Variants in TMEM178B observed in about 807,000 individuals in gnomAD.
TMEM178B encodes the protein transmembrane protein 178B.
A neutral mutation model predicts 31.0 loss-of-function variants in TMEM178B; 5 were observed. That is an observed-to-expected ratio of 0.16 (90% CI 0.08 to 0.34). The LOEUF (loss-of-function observed/expected upper bound fraction) is 0.34, where lower values mean the gene tolerates loss of function less well. Ranked by LOEUF, TMEM178B falls within the 10% of genes least tolerant of loss-of-function variation. TMEM178B has a pLI of 1.00. For missense variants in TMEM178B, 275 were observed against 400.3 expected, an observed-to-expected ratio of 0.69 and a Z score of 2.67; for synonymous variants, 164 against 164.0, an observed-to-expected ratio of 1.00 and a Z score of 0.00.
chr7:141,107,218 G>A (rs941929405), intron 1 of TMEM178B, among the ~76,000 whole-genome samples: 7 of 152,178 alleles, frequency 4.6e-5, no homozygotes, highest in African/African-American at 1.7e-4. Flanking sequence ...GAGGGATAGA[G>A]CAGTAGAAGA....
intron 1 of TMEM178B, among the ~76,000 whole-genome samples, chr7:141,121,320 A>G (rs1393317258): frequency 6.6e-6 from 1 of 152,190 alleles, no homozygotes; most frequent in Non-Finnish European, 1.5e-5. Context: ...AGAGTGTAGT[A>G]GATCTGTGAA....
rs1474271669 is a variant in TMEM178B, at chr7:141,477,520, ATAAAAG to A, written c.*6739_*6744del. On this transcript the variant is annotated 3_prime_UTR_variant, in exon 4 of 4. Transcript: ENST00000565468. ...TAAAGTAGAATGCACTTCCCCCAAAATAAAAGTAAATCAGCAATGTTTGAAGGGTCA... is the reference window on the plus strand; with the variant it reads ...TAAAGTAGAATGCACTTCCCCCAAAATAAATCAGCAATGTTTGAAGGGTCA... The A allele has an allele frequency of 5.3e-5, 8 of 152,126 alleles. No individual in the cohort carries two copies. The highest frequency in any genetic ancestry group is 2.1e-4 in the South Asian group (1 of 4,810). The allele number at this position is 152,126 out of a possible 1,614,324, so 9.4% of individuals were successfully genotyped here.
At position 141,245,814 on chromosome 7, in the gene TMEM178B, G is replaced by A. The variant is rs576398399; in HGVS notation, c.496+33110G>A. On this transcript the variant is annotated intron_variant, in intron 2 of 3. Coordinates refer to ENST00000565468, the MANE Select transcript of TMEM178B (RefSeq NM_001195278.2). Reference sequence around the variant, plus strand: ...CCTTTTCCAAATCCATATTCTTTTCGTTGTGTAAGTTTGTCCAGTGAATTT... The same window carrying A: ...CCTTTTCCAAATCCATATTCTTTTCATTGTGTAAGTTTGTCCAGTGAATTT... 9.8e-4 allele frequency among the ~76,000 whole-genome samples: 149 copies of A among 152,248 alleles called. 1 individual carries two copies. The highest frequency in any genetic ancestry group is 6.8e-3 in the Middle Eastern group (2 of 294).
At chr7:141,437,168 G>A (rs1220631549) in intron 2 of TMEM178B, among the ~76,000 whole-genome samples, 1 of 152,216 alleles carries the variant, frequency 6.6e-6, no homozygotes, top group Non-Finnish European at 1.5e-5. Context: ...TCCTTGGAGA[G>A]GCTGAGTGAT....
intron 3 of TMEM178B, among the ~76,000 whole-genome samples, chr7:141,441,531 A>T (rs931509358): frequency 1.3e-5 from 2 of 152,142 alleles, no homozygotes; most frequent in Admixed American, 6.6e-5. Flanking sequence ...CACCGACAGG[A>T]GCCTGAGGGT....
intron 1 of TMEM178B, among the ~76,000 whole-genome samples, chr7:141,142,305 G>GCTGTTGGA (rs1247974001): frequency 7.3e-6 from 1 of 136,422 alleles, no homozygotes; most frequent in African/African-American, 3.8e-5. Flanking sequence ...CTGCTGTTGG[G>GCTGTTGGA]CATCTGGACT....
intron 2 of TMEM178B, among the ~76,000 whole-genome samples, chr7:141,391,291 G>A (rs965263304): frequency 2.0e-5 from 3 of 151,958 alleles, no homozygotes; most frequent in Non-Finnish European, 2.9e-5. Flanking sequence ...TCAGCCTCCC[G>A]AGTAGCTGGG....
At chr7:141,340,294 A>G (rs538821231) in intron 2 of TMEM178B, among the ~76,000 whole-genome samples, 7 of 152,350 alleles carry the variant, frequency 4.6e-5, no homozygotes, top group Admixed American at 4.6e-4. Flanking sequence ...TCTGACCTAC[A>G]GAACTGTAAG....
rs561404594 is a variant in TMEM178B, at chr7:141,082,147, G to T, written c.382+7455G>T. On this transcript the variant is annotated intron_variant, in intron 1 of 3. Transcript: ENST00000565468. ...AAGTACACTCTGATGTCTGCATGAC[G>T]ACAAAATCGCCTAACGATGCATTTC... 2.0e-5 allele frequency among the ~76,000 whole-genome samples: 3 copies of T among 152,268 alleles called. No individual in the cohort carries two copies. In the South Asian group the frequency reaches 6.2e-4, roughly 32 times the overall value.
intron 2 of TMEM178B, among the ~76,000 whole-genome samples, chr7:141,215,456 G>T (rs950120807): frequency 6.6e-6 from 1 of 151,948 alleles, no homozygotes; most frequent in Non-Finnish European, 1.5e-5. Flanking sequence ...CTCCTGAGTA[G>T]CTGGGACTAC....
intron 1 of TMEM178B, among the ~76,000 whole-genome samples, chr7:141,105,489 A>T (rs1318636784): frequency 1.3e-5 from 2 of 152,212 alleles, no homozygotes; most frequent in Non-Finnish European, 2.9e-5. Context: ...CCTGGGCAAC[A>T]CAGTGAGACT....
chr7:141,284,542 A>G (rs984605112), intron 2 of TMEM178B, among the ~76,000 whole-genome samples: 1 of 152,206 alleles, frequency 6.6e-6, no homozygotes, highest in African/African-American at 2.4e-5. Context: ...CGTTAGGAAG[A>G]CGACTTTTCT....
intron 2 of TMEM178B, among the ~76,000 whole-genome samples, chr7:141,387,164 G>C (rs1044065082): frequency 2.0e-5 from 3 of 152,108 alleles, no homozygotes; most frequent in African/African-American, 7.2e-5. Flanking sequence ...TTTGAAGGAA[G>C]ATATGACTAG....
chr7:141,340,539 G>A (rs1306784059), intron 2 of TMEM178B, among the ~76,000 whole-genome samples: 2 of 152,062 alleles, frequency 1.3e-5, no homozygotes, highest in African/African-American at 4.8e-5. Context: ...TTCAATTTTT[G>A]TCAAAAGTCG....
intron 2 of TMEM178B, among the ~76,000 whole-genome samples, chr7:141,381,526 A>C (rs1238837896): frequency 6.6e-6 from 1 of 152,156 alleles, no homozygotes; most frequent in Admixed American, 6.5e-5. Context: ...CATTATTTCA[A>C]AAGTCGAGTC....
At chr7:141,380,425 A>G (rs1163219867) in intron 2 of TMEM178B, among the ~76,000 whole-genome samples, 2 of 152,216 alleles carry the variant, frequency 1.3e-5, no homozygotes, top group Non-Finnish European at 2.9e-5. Context: ...TGCAATATCT[A>G]AACTTGATGA....
intron 2 of TMEM178B, among the ~76,000 whole-genome samples, chr7:141,419,387 C>G (rs1369782007): frequency 6.6e-6 from 1 of 152,120 alleles, no homozygotes; most frequent in Non-Finnish European, 1.5e-5. Flanking sequence ...GCTCATCTTT[C>G]CCCTTCTCTC....
rs917265379 is a variant in TMEM178B at position 141,470,740 on chromosome 7, G to A, written c.839G>A (p.Arg280Lys). Residue 280 changes from arginine to lysine, a missense_variant, in exon 4 of 4, where the codon AGG (arginine) becomes AAG (lysine). By Grantham distance (26) the Arg-to-Lys change is conservative. Coordinates refer to ENST00000565468, the MANE Select transcript of TMEM178B (RefSeq NM_001195278.2). The part of the protein sequence containing the change: ...TLAPSVQPVP[R>K]TNYPKSRPEN... ...GCCCCTTCTGTTCAACCTGTCCCGA[G>A]GACCAACTACCCTAAATCCAGACCC... The A allele has an allele frequency of 2.0e-6, 3 of 1,531,948 alleles. No homozygotes were observed. Among genetic ancestry groups the A allele is most frequent in the Non-Finnish European group, 1.7e-6 (2 of 1,145,332 alleles). The allele number at this position is 1,531,948 out of a possible 1,614,324, so 94.9% of individuals were successfully genotyped here.
Position 141,362,826 on chromosome 7 carries a change from C to T in TMEM178B, c.497-74782C>T, listed in dbSNP as rs541934241. Among the ~76,000 whole-genome samples, 14 of 152,258 alleles carry T rather than the reference C, an allele frequency of 9.2e-5. No homozygotes were observed. In the South Asian group the frequency reaches 2.9e-3, roughly 32 times the overall value. ...ACAGGAGAAGTGGAAAGGAAACCAC[C>T]CGGGCTGTAGCCATTTCTCCTGGAG... On this transcript the variant is annotated intron_variant, in intron 2 of 3. Coordinates refer to ENST00000565468, the MANE Select transcript of TMEM178B (RefSeq NM_001195278.2).
Sources: gnomAD v4.1 joint callset for allele counts (sites outside exome capture counted in the v4.1 genomes callset) on GRCh38, gnomAD v4.1.1 for gene constraint, MANE v1.5 for transcripts, NCBI Gene and HGNC (gene_info 2026-07-23, HGNC 2026-07-21) for gene names.